The following GRIK3 variants were observed in gnomAD, a reference collection of about 807,000 sequenced individuals.
GRIK3 encodes the protein glutamate receptor ionotropic, kainate 3.
In GRIK3, 29 loss-of-function variants were observed where a neutral mutation model predicts 102.5. The ratio of observed to expected loss-of-function variants is 0.28; its 90% CI spans 0.21 to 0.39. GRIK3 has a LOEUF of 0.39. GRIK3 is among the 10% of genes least tolerant of loss of function. The pLI, the probability that GRIK3 is intolerant of heterozygous loss-of-function variation, is 1.00. For synonymous variants in GRIK3, 511 were observed against 504.9 expected, an observed-to-expected ratio of 1.01 and a Z score of -0.16; for missense variants, 908 against 1,252.4, an observed-to-expected ratio of 0.73 and a Z score of 4.15.
chr1:36,809,310 A>G (rs750548376), intron 13 of GRIK3, among the ~76,000 whole-genome samples: 2 of 152,114 alleles, frequency 1.3e-5, no homozygotes, highest in Non-Finnish European at 2.9e-5. Context: ...TAATCTGACT[A>G]TCCACCTATC....
chr1:36,970,712 T>C (rs756950724), intron 1 of GRIK3, among the ~76,000 whole-genome samples: 2 of 152,200 alleles, frequency 1.3e-5, no homozygotes, highest in African/African-American at 4.8e-5. Flanking sequence ...CCACTGTACA[T>C]AGATTACTTG....
intron 1 of GRIK3, among the ~76,000 whole-genome samples, chr1:36,957,476 G>C (rs9660865): frequency 0.15 from 4,653 of 32,014 alleles, 653 homozygotes; most frequent in South Asian, 0.21. Flanking sequence ...TGCTCTGTGA[G>C]TCTGTGCCCC....
intron 1 of GRIK3, among the ~76,000 whole-genome samples, chr1:36,974,220 G>A (rs1642172624): frequency 6.6e-6 from 1 of 152,190 alleles, no homozygotes; most frequent in African/African-American, 2.4e-5. Context: ...TTCAGGGCAG[G>A]TGATCACAGA....
At chr1:36,977,573 C>T (rs1311780782) in intron 1 of GRIK3, among the ~76,000 whole-genome samples, 1 of 152,158 alleles carries the variant, frequency 6.6e-6, no homozygotes, top group Non-Finnish European at 1.5e-5. Context: ...AAGCCATTCC[C>T]CTGCGATGCT....
In GRIK3 at chr1:36,861,650, A is replaced by C. The variant is rs538337543; in HGVS notation, c.787-1633T>G. 3.3e-5 allele frequency among the ~76,000 whole-genome samples: 5 copies of C among 152,278 alleles called. No homozygotes were observed. In the East Asian group the frequency reaches 9.6e-4, roughly 29 times the overall value. Reference sequence around the variant, plus strand: ...GGTCTCTGAGATGTCTCTAATGGGCACTAAACTTATCCTGTTCCTCCTGCA... The same window carrying C: ...GGTCTCTGAGATGTCTCTAATGGGCCCTAAACTTATCCTGTTCCTCCTGCA... On this transcript the variant is annotated intron_variant, in intron 5 of 15. Coordinates refer to ENST00000373091, the MANE Select transcript of GRIK3 (RefSeq NM_000831.4).
intron 1 of GRIK3, among the ~76,000 whole-genome samples, chr1:37,001,289 A>G (rs1557458807): frequency 6.6e-6 from 1 of 152,256 alleles, no homozygotes. Flanking sequence ...CAGAAAGAAT[A>G]GTCTGAGATC....
intron 1 of GRIK3, among the ~76,000 whole-genome samples, chr1:36,894,340 C>T (rs1193469680): frequency 6.6e-6 from 1 of 152,188 alleles, no homozygotes; most frequent in Non-Finnish European, 1.5e-5. Context: ...CTTTATTCCT[C>T]TTTATTGCTA....
chr1:36,982,266 G>T (rs1639909127), intron 1 of GRIK3, among the ~76,000 whole-genome samples: 1 of 152,186 alleles, frequency 6.6e-6, no homozygotes, highest in South Asian at 2.1e-4. Flanking sequence ...CAGGGCCCCG[G>T]GCTGGCAGCC....
At chr1:36,833,213 G>A (rs74763690) in intron 10 of GRIK3, among the ~76,000 whole-genome samples, 279 of 152,202 alleles carry the variant, frequency 1.8e-3, no homozygotes, top group Middle Eastern at 6.8e-3. Flanking sequence ...CTCTGGCGTC[G>A]GGTCTCCTGC....
chr1:36,902,587 T>C (rs1641243561), intron 1 of GRIK3, among the ~76,000 whole-genome samples: 1 of 152,162 alleles, frequency 6.6e-6, no homozygotes, highest in African/African-American at 2.4e-5. Context: ...TCAAAGTGTA[T>C]CAGAGACCTC....
intron 10 of GRIK3, among the ~76,000 whole-genome samples, chr1:36,837,288 A>T (rs2124211084): frequency 6.6e-6 from 1 of 152,186 alleles, no homozygotes; most frequent in East Asian, 1.9e-4. Flanking sequence ...AACACATCCC[A>T]AATGGACCTC....
intron 1 of GRIK3, among the ~76,000 whole-genome samples, chr1:36,975,288 G>GTTTTTTTTTTTTTTTTTTTTTTTTT (rs61125066): frequency 1.8e-5 from 2 of 113,372 alleles, no homozygotes; most frequent in African/African-American, 7.6e-5. Flanking sequence ...TCTAAAGTTG[G>GTTTTTTTTTTTTTTTTTTTTTTTTT]TTTTTTTTTT....
At chr1:36,864,808 G>A (rs1640765037) in intron 5 of GRIK3, among the ~76,000 whole-genome samples, 1 of 151,652 alleles carries the variant, frequency 6.6e-6, no homozygotes, top group African/African-American at 2.4e-5. Context: ...ATGACAATGG[G>A]GAGCTGGTGA....
At chr1:36,984,948 C>T (rs1642289021) in intron 1 of GRIK3, among the ~76,000 whole-genome samples, 1 of 152,186 alleles carries the variant, frequency 6.6e-6, no homozygotes, top group South Asian at 2.1e-4. Flanking sequence ...AGAAAGGTCC[C>T]AGCTCAGGCT....
At chr1:36,997,656 A>C (rs1642435125) in intron 1 of GRIK3, among the ~76,000 whole-genome samples, 1 of 152,136 alleles carries the variant, frequency 6.6e-6, no homozygotes, top group South Asian at 2.1e-4. Context: ...GGCCAGGCCC[A>C]CCTTGGGAGG....
In GRIK3 at chr1:36,841,796, C is replaced by T. The variant is rs766722342; in HGVS notation, c.1470G>A (p.Lys490=). Reference sequence around the variant, plus strand: ...GGCCCTTGTCATCCTGTGCCCCGTACTTGCCGTCCTCCACCAGCCGGATCT... The same window carrying T: ...GGCCCTTGTCATCCTGTGCCCCGTATTTGCCGTCCTCCACCAGCCGGATCT... ...SYEIRLVEDG[K]YGAQDDKGQW... Residue 490 remains lysine, a synonymous_variant, in exon 10 of 16, where the codon AAG becomes AAA. Transcript: ENST00000373091. 12 of 1,614,244 alleles carry T rather than the reference C, an allele frequency of 7.4e-6. No individual in the cohort carries two copies. Among genetic ancestry groups the T allele is most frequent in the Non-Finnish European group, 1.0e-5 (12 of 1,180,036 alleles).
intron 1 of GRIK3, among the ~76,000 whole-genome samples, chr1:36,980,189 C>T (rs1335384691): frequency 6.6e-6 from 1 of 152,196 alleles, no homozygotes; most frequent in Admixed American, 6.5e-5. Context: ...AAAATGCAAA[C>T]CTGATCAGGC....
At chr1:36,804,867 G>T (rs1642480446) in intron 15 of GRIK3, 120 bp downstream of exon 15, 3 of 1,286,852 alleles carry the variant, frequency 2.3e-6, no homozygotes, top group African/African-American at 2.9e-5. Context: ...CCGACTGGAT[G>T]CAGGGTGAGC....
chr1:36,860,056 A>T, intron 5 of GRIK3, 39 bp from the exon 6 acceptor site: 1 of 1,470,466 alleles, frequency 6.8e-7, no homozygotes. Context: ...AGGCATGCTC[A>T]CTGCTGAGAA....
Sources: gnomAD v4.1 joint callset for allele counts (sites outside exome capture counted in the v4.1 genomes callset) on GRCh38, gnomAD v4.1.1 for gene constraint, MANE v1.5 for transcripts, NCBI Gene and HGNC (gene_info 2026-07-23, HGNC 2026-07-21) for gene names.